The following GPR158 variants were observed in gnomAD, a reference collection of about 807,000 sequenced individuals.
The protein encoded by GPR158 is G protein-coupled receptor 158.
In GPR158, 30 loss-of-function variants were observed where a neutral mutation model predicts 78.2. The ratio of observed to expected loss-of-function variants is 0.38; its 90% CI spans 0.29 to 0.52. The LOEUF (loss-of-function observed/expected upper bound fraction) is 0.52, where lower values mean the gene tolerates loss of function less well. Among genes scored for constraint, GPR158 ranks in the 20% least tolerant of loss-of-function variants. GPR158 has a pLI of 0.83. For synonymous variants in GPR158, 581 were observed against 591.1 expected (o/e 0.98, Z 0.25); for missense variants, 1,463 against 1,523.5 (o/e 0.96, Z 0.66).
intron 1 of GPR158, among the ~76,000 whole-genome samples, chr10:25,196,792 A>G (rs1015890734): frequency 6.6e-6 from 1 of 152,218 alleles, no homozygotes; most frequent in African/African-American, 2.4e-5. Flanking sequence ...AAAAAATGCC[A>G]TCACTGTGCT....
chr10:25,372,762 G>T (rs1330046398), intron 2 of GPR158, among the ~76,000 whole-genome samples: 1 of 150,484 alleles, frequency 6.6e-6, no homozygotes, highest in Non-Finnish European at 1.5e-5. Flanking sequence ...AATGCTAGAT[G>T]ACGAGTTAGT....
intron 5 of GPR158, among the ~76,000 whole-genome samples, chr10:25,534,811 A>T (rs1836478092): frequency 6.6e-6 from 1 of 152,086 alleles, no homozygotes; most frequent in African/African-American, 2.4e-5. Flanking sequence ...AGGGATCCGA[A>T]TTACATCTCC....
chr10:25,378,757 T>C (rs545041316), intron 2 of GPR158, among the ~76,000 whole-genome samples: 1 of 152,262 alleles, frequency 6.6e-6, no homozygotes, highest in Admixed American at 6.5e-5. Flanking sequence ...ATCAGCACCA[T>C]TTAACTGGAT....
chr10:25,303,038 C>G (rs1285052483), intron 2 of GPR158, among the ~76,000 whole-genome samples: 1 of 152,030 alleles, frequency 6.6e-6, no homozygotes, highest in African/African-American at 2.4e-5. Flanking sequence ...CATGGTGCCC[C>G]ATGTCAAGAT....
chr10:25,308,050 T>C (rs1024130680), intron 2 of GPR158, among the ~76,000 whole-genome samples: 1 of 152,210 alleles, frequency 6.6e-6, no homozygotes, highest in Non-Finnish European at 1.5e-5. Context: ...ACATGTGTTG[T>C]CAAGCATTTT....
chr10:25,252,790 A>T (rs1853827774), intron 2 of GPR158, among the ~76,000 whole-genome samples: 1 of 152,164 alleles, frequency 6.6e-6, no homozygotes, highest in Non-Finnish European at 1.5e-5. Flanking sequence ...CTGCCCCCAG[A>T]GGTGGAGGCT....
chr10:25,476,299 A>G (rs1835582625), intron 5 of GPR158, among the ~76,000 whole-genome samples: 2 of 152,110 alleles, frequency 1.3e-5, no homozygotes, highest in Admixed American at 1.3e-4. Flanking sequence ...AAGACATTTT[A>G]TGGATTAGTA....
chr10:25,304,659 A>C (rs572783180), intron 2 of GPR158, among the ~76,000 whole-genome samples: 1 of 152,304 alleles, frequency 6.6e-6, no homozygotes, highest in Admixed American at 6.5e-5. Flanking sequence ...CCTTCAGAAC[A>C]ATTCTGCAAA....
At position 25,247,203 on chromosome 10, in the gene GPR158, T is replaced by C. The variant is rs146072970; in HGVS notation, c.1008+26046T>C. Among the ~76,000 whole-genome samples, 1,050 of 152,322 alleles carry C rather than the reference T, an allele frequency of 6.9e-3. 9 individuals carry two copies. The highest frequency in any genetic ancestry group is 0.024 in the African/African-American group (1,005 of 41,568). On this transcript the variant is annotated intron_variant, in intron 2 of 10. Coordinates refer to ENST00000376351, the MANE Select transcript of GPR158 (RefSeq NM_020752.3). ...CTATTTTTTATGATTTTAAAATTGA[T>C]GTTGTGTCAACTATCTTATCAAATA...
rs548332090 is a variant in GPR158 at position 25,214,245 on chromosome 10, C to T, written c.903-6807C>T. Reference sequence around the variant, plus strand: ...TCCTGACCTCGTGATCCACCTGCTTCGGCCTCCCAAAGTGCTGGGATTACA... The same window carrying T: ...TCCTGACCTCGTGATCCACCTGCTTTGGCCTCCCAAAGTGCTGGGATTACA... On this transcript the variant is annotated intron_variant, in intron 1 of 10. Coordinates refer to ENST00000376351, the MANE Select transcript of GPR158 (RefSeq NM_020752.3). Among the ~76,000 whole-genome samples the T allele has an allele frequency of 1.4e-4, 21 of 151,990 alleles. No individual in the cohort carries two copies. In the East Asian group the frequency reaches 1.9e-3, roughly 14 times the overall value.
At chr10:25,228,028 A>T (rs1004856619) in intron 2 of GPR158, among the ~76,000 whole-genome samples, 1 of 152,204 alleles carries the variant, frequency 6.6e-6, no homozygotes, top group Non-Finnish European at 1.5e-5. Context: ...AAAAATGCAT[A>T]CTTCTTTGTT....
In GPR158 at chr10:25,598,449, A is replaced by C; in HGVS notation, c.2823A>C (p.Thr941=). 6.2e-7 allele frequency: 1 copy of C among 1,614,164 alleles called. No homozygotes were observed. The highest frequency in any genetic ancestry group is 1.1e-5 in the South Asian group (1 of 91,070). The change falls in exon 11 of 11, where the codon ACA becomes ACC. Residue 941 remains threonine, a synonymous_variant. Coordinates refer to ENST00000376351, the MANE Select transcript of GPR158 (RefSeq NM_020752.3). ...SQKPLPKDKE[T]NRNHSNSDNT... is the part of the protein sequence containing the mutation. ...AACCTTTGCCAAAAGATAAAGAGACAAACAGAAATCACTCAAATTCTGATA... is the reference window on the plus strand; with the variant it reads ...AACCTTTGCCAAAAGATAAAGAGACCAACAGAAATCACTCAAATTCTGATA...
chr10:25,302,175 C>A (rs1298799566), intron 2 of GPR158, among the ~76,000 whole-genome samples: 2 of 150,780 alleles, frequency 1.3e-5, no homozygotes, highest in Admixed American at 6.6e-5. Flanking sequence ...AGGTTCACGC[C>A]GTTCTCCTGC....
intron 2 of GPR158, among the ~76,000 whole-genome samples, chr10:25,338,474 CGT>C (rs1564426220): frequency 7.9e-6 from 1 of 126,964 alleles, no homozygotes; most frequent in Non-Finnish European, 1.6e-5. Context: ...GTATATTATA[CGT>C]ATAATATACG....
chr10:25,272,440 T>G (rs1854130070), intron 2 of GPR158, among the ~76,000 whole-genome samples: 1 of 152,192 alleles, frequency 6.6e-6, no homozygotes, highest in Non-Finnish European at 1.5e-5. Context: ...CTCCTCTGCT[T>G]CCCTCTCCTT....
At chr10:25,330,865 G>T (rs1745397326) in intron 2 of GPR158, among the ~76,000 whole-genome samples, 1 of 151,596 alleles carries the variant, frequency 6.6e-6, no homozygotes, top group Non-Finnish European at 1.5e-5. Context: ...TACAATGTTT[G>T]TTCCTATATA....
intron 4 of GPR158, among the ~76,000 whole-genome samples, chr10:25,453,352 G>A (rs7904866): frequency 0.66 from 99,895 of 152,018 alleles, 33,991 homozygotes; most frequent in East Asian, 0.99. Context: ...CCAGTATGCA[G>A]GGATTCCCCT....
chr10:25,327,492 A>C lies in GPR158; in HGVS notation c.1009-68419A>C, dbSNP rs1240285037. Among the ~76,000 whole-genome samples, 4 of 152,306 alleles carry C rather than the reference A, an allele frequency of 2.6e-5. No homozygotes were observed. In the East Asian group the frequency reaches 7.7e-4, roughly 29 times the overall value. On this transcript the variant is annotated intron_variant, in intron 2 of 10. Transcript: ENST00000376351. ...AGGGAACCGTTGAATTAAATGGTGC[A>C]CACTGGGCTGGCTGTGTTCTCTCCC...
chr10:25,563,646 T>C (rs1836887105), intron 6 of GPR158, among the ~76,000 whole-genome samples: 1 of 152,160 alleles, frequency 6.6e-6, no homozygotes, highest in Non-Finnish European at 1.5e-5. Context: ...CCTAAATTTA[T>C]AACAGTTTAG....
Sources: allele counts gnomAD v4.1 joint callset (sites outside exome capture counted in the v4.1 genomes callset), GRCh38; gene constraint gnomAD v4.1.1; transcripts MANE v1.5; gene names NCBI Gene and HGNC (gene_info 2026-07-23, HGNC 2026-07-21).